Variants in THOC1 observed in about 807,000 individuals in gnomAD.
The protein encoded by THOC1 is THO complex subunit 1.
THOC1 carries 29 observed loss-of-function variants against 97.3 expected under a neutral mutation model. That is an observed-to-expected ratio of 0.30 (90% CI 0.22 to 0.41). The LOEUF is 0.41. THOC1 is among the 10% of genes least tolerant of loss of function. The probability of loss-of-function intolerance (pLI) is 1.00; values close to 1 mark genes in which losing one functional copy is unlikely to be tolerated. For missense variants in THOC1, 529 were observed against 761.9 expected, an observed-to-expected ratio of 0.69 and a Z score of 3.60; for synonymous variants, 255 against 257.0, an observed-to-expected ratio of 0.99 and a Z score of 0.07.
chr18:224,977 T>C lies in THOC1; in HGVS notation c.1155A>G (p.Glu385=). The C allele has an allele frequency of 6.4e-7, 1 of 1,573,844 alleles. No individual in the cohort carries two copies. Among genetic ancestry groups the C allele is most frequent in the South Asian group, 1.2e-5 (1 of 86,144 alleles). ...SKMVEHILNT[E]ENWNSWKNEG... ...CATTTTTCCACGAGTTCCAGTTTTC[T>C]TCAGTGTTTAATATATGCTGGGAAA... The change falls in exon 15 of 21, where the codon GAA becomes GAG. Residue 385 remains glutamate (E), a synonymous_variant. Coordinates refer to ENST00000261600, the MANE Select transcript of THOC1 (RefSeq NM_005131.3).
chr18:262,711 T>C (rs1912641678), intron 4 of THOC1, among the ~76,000 whole-genome samples: 1 of 152,184 alleles, frequency 6.6e-6, no homozygotes, highest in African/African-American at 2.4e-5. Flanking sequence ...TTTAACAAAG[T>C]GAATTTATGA....
chr18:239,610 CAT>C (rs1428796397), intron 11 of THOC1, among the ~76,000 whole-genome samples: 2 of 152,146 alleles, frequency 1.3e-5, no homozygotes, highest in Admixed American at 6.6e-5. Context: ...TGGCCTGATT[CAT>C]ATGTTTTTAA....
intron 11 of THOC1, chr18:245,392 T>C (rs967841520): frequency 6.6e-6 from 1 of 152,224 alleles, no homozygotes; most frequent in African/African-American, 2.4e-5. Flanking sequence ...AGAAGAAGTC[T>C]TATGATGACT....
chr18:237,282 G>A (rs1021612136), intron 11 of THOC1, among the ~76,000 whole-genome samples: 1 of 151,006 alleles, frequency 6.6e-6, no homozygotes, highest in African/African-American at 2.4e-5. Context: ...TCAGCCTCCT[G>A]AGCAGCTGGG....
chr18:236,019 A>G lies in THOC1; in HGVS notation c.919-9118T>C, dbSNP rs74630509. Among the ~76,000 whole-genome samples the G allele has an allele frequency of 0.029, 4,433 of 152,228 alleles. 378 individuals are homozygous for G. In the East Asian group the frequency reaches 0.32, roughly 11 times the overall value. ...ATTGTTAAATACATATAAGTTCATG[A>G]CACCTTGGTGGTTCATTCCTTTATT... On this transcript the variant is annotated intron_variant, in intron 11 of 20. Coordinates refer to ENST00000261600, the MANE Select transcript of THOC1 (RefSeq NM_005131.3).
intron 4 of THOC1, among the ~76,000 whole-genome samples, chr18:261,618 G>A (rs559342150): frequency 6.6e-6 from 1 of 152,312 alleles, no homozygotes; most frequent in South Asian, 2.1e-4. Flanking sequence ...CAGAGAAGCA[G>A]TCTAGGCCAG....
In THOC1 at chr18:216,621, A is replaced by G; in HGVS notation, c.1467T>C (p.Asn489=). Residue 489 remains asparagine (N), a synonymous_variant, in exon 19 of 21, where the codon AAT becomes AAC. Transcript: ENST00000261600. The part of the protein sequence containing the change: ...MVENEYKAVN[N]SNYGWRALRL... ...TCAGGGCTCTCCAACCATAATTTGA[A>G]TTGTTCACAGCCCTATAAAAAGAGG... 1 of 1,613,710 alleles carries G rather than the reference A, an allele frequency of 6.2e-7. No individual in the cohort carries two copies. Among genetic ancestry groups the G allele is most frequent in the Non-Finnish European group, 8.5e-7 (1 of 1,179,782 alleles).
At chr18:249,243 T>C (rs1247458335) in intron 9 of THOC1, among the ~76,000 whole-genome samples, 2 of 152,196 alleles carry the variant, frequency 1.3e-5, no homozygotes, top group Admixed American at 6.5e-5. Context: ...TCCTAAACTT[T>C]TCCCTAGTAA....
chr18:246,746 G>T (rs993566783), intron 10 of THOC1, among the ~76,000 whole-genome samples: 2 of 151,870 alleles, frequency 1.3e-5, no homozygotes, highest in African/African-American at 2.4e-5. Flanking sequence ...GGAGGCGGAG[G>T]GGGGCGGGTA....
At chr18:236,936 CTTTTT>C (rs954724697) in intron 11 of THOC1, among the ~76,000 whole-genome samples, 1 of 148,304 alleles carries the variant, frequency 6.7e-6, no homozygotes, top group African/African-American at 2.5e-5. Flanking sequence ...GACTGTTAGG[CTTTTT>C]TTTTTCTTTT....
intron 11 of THOC1, among the ~76,000 whole-genome samples, chr18:231,007 C>A (rs1318877098): frequency 6.6e-6 from 1 of 152,214 alleles, no homozygotes; most frequent in African/African-American, 2.4e-5. Flanking sequence ...CAGCCTCAGC[C>A]TTACAAAGTG....
chr18:259,916 G>A, intron 5 of THOC1, 186 bp from the exon 6 acceptor site: 1 of 544,914 alleles, frequency 1.8e-6, no homozygotes, highest in Non-Finnish European at 3.2e-6. Flanking sequence ...AAGAAAACAT[G>A]ATACTAAGTA....
chr18:255,049 C>G (rs1912394404), intron 7 of THOC1, among the ~76,000 whole-genome samples: 1 of 152,114 alleles, frequency 6.6e-6, no homozygotes, highest in African/African-American at 2.4e-5. Flanking sequence ...ATAGCAAATT[C>G]AATCAATAAA....
rs755923145 is a variant in THOC1, at chr18:214,774, A to G, written c.1826T>C (p.Met609Thr). Residue 609 changes from methionine (M) to threonine (T), a missense_variant, in exon 21 of 21, where the codon ATG becomes ACG. Around this residue, in one of 8 missense-constraint regions of THOC1, gnomAD observed 98 missense variants for 111.9 expected, o/e 0.88. Transcript: ENST00000261600. ...IRQIECDSED[M>T]KMRAKQLLVA... Reference sequence around the variant, plus strand: ...CAGGAGCTGCTTAGCTCTCATCTTCATGTCTTCACTGTCACACTCAATCTG... The same window carrying G: ...CAGGAGCTGCTTAGCTCTCATCTTCGTGTCTTCACTGTCACACTCAATCTG... The G allele has an allele frequency of 1.2e-6, 2 of 1,613,812 alleles. No individual in the cohort carries two copies. The highest frequency in any genetic ancestry group is 1.7e-4 in the Middle Eastern group (1 of 6,058).
chr18:249,236 T>C (rs1964239561), intron 9 of THOC1, among the ~76,000 whole-genome samples: 1 of 152,204 alleles, frequency 6.6e-6, no homozygotes, highest in African/African-American at 2.4e-5. Context: ...TCGCTCTTCC[T>C]AAACTTTTCC....
At position 246,407 on chromosome 18, in the gene THOC1, T is replaced by C; in HGVS notation, c.835A>G (p.Thr279Ala). Residue 279 changes from threonine (T) to alanine (A), a missense_variant, in exon 11 of 21, where the codon ACT becomes GCT. Physicochemically the swap from Thr to Ala is moderately conservative, Grantham distance 58. Coordinates refer to ENST00000261600, the MANE Select transcript of THOC1 (RefSeq NM_005131.3). ...TCCATCTTTTTTCTTGAGGCCTGAGTATCATCTAATTTATAACTCTTAAAA... is the reference window on the plus strand; with the variant it reads ...TCCATCTTTTTTCTTGAGGCCTGAGCATCATCTAATTTATAACTCTTAAAA... ...AVFKSYKLDDTQASRKKMEEL... is the reference protein window; with the variant it reads ...AVFKSYKLDDAQASRKKMEEL... The C allele has an allele frequency of 6.3e-7, 1 of 1,597,974 alleles. No individual in the cohort carries two copies. Among genetic ancestry groups the C allele is most frequent in the Non-Finnish European group, 8.6e-7 (1 of 1,167,618 alleles).
chr18:240,160 C>A (rs1911848402), intron 11 of THOC1, among the ~76,000 whole-genome samples: 1 of 152,146 alleles, frequency 6.6e-6, no homozygotes, highest in African/African-American at 2.4e-5. Context: ...CTTATTCTAT[C>A]TCTGCTCTTT....
Position 254,461 on chromosome 18 carries a change from C to G in THOC1, c.521-106G>C. The G allele has an allele frequency of 1.4e-6, 1 of 695,950 alleles. No individual in the cohort carries two copies. The allele number at this position is 695,950 out of a possible 1,614,324, so 43.1% of individuals were successfully genotyped here. A position where few individuals can be genotyped will look rare whatever the true frequency, so the allele number is the denominator to read the frequency against. On this transcript the variant is annotated intron_variant, in intron 7 of 20. Transcript: ENST00000261600. This position sits in a 1 kb window ranked among gnomAD's most constrained non-coding sequence, Gnocchi z 4.1. ...TACAAAATGCCAAATCCATAAAGAG[C>G]AGTCAAAATTAACACATTTGATTTT... is the stretch of plus-strand genomic sequence containing the variant.
intron 10 of THOC1, among the ~76,000 whole-genome samples, chr18:246,735 G>A (rs1015461081): frequency 1.3e-5 from 2 of 151,868 alleles, no homozygotes; most frequent in South Asian, 2.1e-4. Flanking sequence ...CCAGCACTTC[G>A]GGAGGCGGAG....
Sources: gnomAD v4.1 joint callset for allele counts (sites outside exome capture counted in the v4.1 genomes callset) on GRCh38, gnomAD v4.1.1 for gene constraint, gnomAD v4.1.1 regional missense constraint, Gnocchi (gnomAD v3.1) non-coding constraint, MANE v1.5 for transcripts, NCBI Gene and HGNC (gene_info 2026-07-23, HGNC 2026-07-21) for gene names.